The following ARL17A variants were observed in gnomAD, a reference collection of about 807,000 sequenced individuals.
ARL17A encodes ADP-ribosylation factor-like 17-like.
Position 46,532,913 on chromosome 17 carries a change from C to T in ARL17A, c.336-4054G>A, listed in dbSNP as rs1428360132. Reference sequence around the variant, plus strand: ...CCCAGGAGTTCGAGGCCAGCCAGGGCAACATACTGAGAGCTTATCTCTACA... The same window carrying T: ...CCCAGGAGTTCGAGGCCAGCCAGGGTAACATACTGAGAGCTTATCTCTACA... On this transcript the variant is annotated intron_variant, in intron 4 of 4. Coordinates refer to the ARL17A transcript ENST00000329240. 5.5e-5 allele frequency among the ~76,000 whole-genome samples: 8 copies of T among 146,018 alleles called. 1 individual carries two copies. Among genetic ancestry groups the T allele is most frequent in the African/African-American group, 2.1e-4 (8 of 37,548 alleles).
At chr17:46,526,547 C>G (rs2052790264), downstream of ARL17A, among the ~76,000 whole-genome samples, 5 of 103,848 alleles carry the variant, frequency 4.8e-5, no homozygotes, top group Admixed American at 4.5e-4. Flanking sequence ...AGGCTCAGGC[C>G]CCACAAAATC....
chr17:46,500,881 T>C, the ARL17A span, among the ~76,000 whole-genome samples: 1 of 150,988 alleles, frequency 6.6e-6, no homozygotes, highest in Non-Finnish European at 1.5e-5. Context: ...TGGGAATTGT[T>C]AGAAATGCAA....
downstream of ARL17A, among the ~76,000 whole-genome samples, chr17:46,527,850 TATC>T (rs1490698325): frequency 3.6e-5 from 3 of 82,734 alleles, 1 homozygote; most frequent in African/African-American, 1.5e-4. Context: ...CGGTTATTAT[TATC>T]ATTTCTATTT....
intron 3 of ARL17A, among the ~76,000 whole-genome samples, chr17:46,543,605 A>G (rs1302920854): frequency 1.3e-5 from 2 of 150,900 alleles, no homozygotes; most frequent in South Asian, 2.1e-4. Context: ...GAAGTCTTCA[A>G]TGGTGAAGGG....
At chr17:46,548,546 C>CTAGGTTTAATTA (rs1166685177), downstream of ARL17A, 3 of 1,469,380 alleles carry the variant, frequency 2.0e-6, no homozygotes, top group Non-Finnish European at 2.8e-6. Context: ...GATGTGAAAT[C>CTAGGTTTAATTA]ACTGTTACTA....
At chr17:46,545,518 A>G (rs2145712133) in intron 3 of ARL17A, among the ~76,000 whole-genome samples, 1 of 123,564 alleles carries the variant, frequency 8.1e-6, no homozygotes, top group Middle Eastern at 3.7e-3. Flanking sequence ...AGTTCAGTGA[A>G]GATCCTGTTC....
chr17:46,553,382 C>A lies in ARL17A; in HGVS notation c.*3974G>T, dbSNP rs759157893. On this transcript the variant is annotated 3_prime_UTR_variant, in exon 4 of 4. Transcript: ENST00000336125. ...TTGTTGTCATAGATAATCTTAATTGCGTTTTCTTCTAAAACAGATATGTTG... is the reference window on the plus strand; with the variant it reads ...TTGTTGTCATAGATAATCTTAATTGAGTTTTCTTCTAAAACAGATATGTTG... The A allele has an allele frequency of 6.2e-7, 1 of 1,609,352 alleles. No individual in the cohort carries two copies. The highest frequency in any genetic ancestry group is 2.2e-5 in the East Asian group (1 of 44,752).
chr17:46,549,284 T>C, downstream of ARL17A: 1 of 1,610,716 alleles, frequency 6.2e-7, no homozygotes, highest in Non-Finnish European at 8.5e-7. Flanking sequence ...TCAGAACATT[T>C]TATAGAAAAC....
At chr17:46,568,938 T>C (rs1255668085) in intron 3 of ARL17A, among the ~76,000 whole-genome samples, 2 of 124,106 alleles carry the variant, frequency 1.6e-5, no homozygotes, top group South Asian at 2.7e-4. Flanking sequence ...TACTTTTTTT[T>C]TCTCTTTTTT....
intron 3 of ARL17A, among the ~76,000 whole-genome samples, chr17:46,539,487 C>T (rs2054873635): frequency 1.3e-5 from 2 of 151,238 alleles, no homozygotes; most frequent in Admixed American, 6.6e-5. Flanking sequence ...AAGCAGCCAG[C>T]CGCAGTGGCT....
At chr17:46,511,184 T>G in the ARL17A span, among the ~76,000 whole-genome samples, 1 of 126,602 alleles carries the variant, frequency 7.9e-6, no homozygotes, top group East Asian at 2.4e-4. Flanking sequence ...ATGGAATTTT[T>G]TTTAAAAAAA....
At chr17:46,535,548 ATTTT>A (rs2054567216) in intron 4 of ARL17A, among the ~76,000 whole-genome samples, 1 of 41,234 alleles carries the variant, frequency 2.4e-5, no homozygotes, top group Non-Finnish European at 3.9e-5. Context: ...ACTTTCATTC[ATTTT>A]TATTTCTGTT....
Position 46,558,094 on chromosome 17 carries a change from T to G in ARL17A, c.260-464A>C, listed in dbSNP as rs546806370. ...TTTCTTTTAAGGTGGAGTTTTGCTC[T>G]TGTTGCTCAGTCTGGAATGCAATGG... On this transcript the variant is annotated intron_variant, in intron 3 of 3. Transcript: ENST00000336125. 3.7e-5 allele frequency among the ~76,000 whole-genome samples: 5 copies of G among 134,952 alleles called. No homozygotes were observed. The East Asian group carries it at 1.2e-3, about 32-fold the overall frequency. The allele number at this position is 134,952 out of a possible 152,430, so 88.5% of individuals were successfully genotyped here.
At chr17:46,534,105 C>A (rs1316479835) in intron 4 of ARL17A, among the ~76,000 whole-genome samples, 4 of 143,152 alleles carry the variant, frequency 2.8e-5, no homozygotes, top group African/African-American at 1.1e-4. Flanking sequence ...CCTCCACCTC[C>A]CAGGCTTAAG....
chr17:46,517,214 A>T lies in ARL17A; in HGVS notation c.279T>A (p.Phe93Leu). 6.2e-6 allele frequency: 5 copies of T among 801,270 alleles called. 2 individuals carry two copies. Among genetic ancestry groups the T allele is most frequent in the Non-Finnish European group, 9.2e-6 (5 of 542,594 alleles). The allele number at this position is 801,270 out of a possible 1,614,324, so 49.6% of individuals were successfully genotyped here. ...CGCATAATTTCTTGATGAATTGTGC[A>T]AACTGGGAAGCTGATAGCTCTGGAA... is the stretch of plus-strand genomic sequence containing the variant. The change falls in exon 4 of 5, where the codon TTT becomes TTA. Residue 93 changes from phenylalanine (F) to leucine (L), a missense_variant. Transcript: ENST00000445552.
chr17:46,568,316 AACTTCTGTGTTAGGATAGGAAGAAT>A (rs1402247728), intron 3 of ARL17A, among the ~76,000 whole-genome samples: 8 of 125,474 alleles, frequency 6.4e-5, no homozygotes, highest in Non-Finnish European at 1.3e-4. Context: ...GTGACAACCG[AACTTCTGTGTTAGGATAGGAAGAAT>A]ACTTATGAAG....
Position 46,558,553 on chromosome 17 carries a change from A to AT in ARL17A, c.260-924dup, listed in dbSNP as rs58227880. On this transcript the variant is annotated intron_variant, in intron 3 of 3. Transcript: ENST00000336125. ...AGGCACCCACCACCATGCCCGGCCA[A>AT]TTTTTTTTTTTTTTTTTTTTCTAAA... 6.3e-3 allele frequency among the ~76,000 whole-genome samples: 633 copies of AT among 100,196 alleles called. 7 individuals are homozygous for AT. Among genetic ancestry groups the AT allele is most frequent in the African/African-American group, 0.022 (540 of 24,386 alleles). The allele number at this position is 100,196 out of a possible 152,430, so 65.7% of individuals were successfully genotyped here.
downstream of ARL17A, chr17:46,548,850 C>A (rs1391709192): frequency 6.2e-7 from 1 of 1,612,434 alleles, no homozygotes; most frequent in Admixed American, 1.7e-5. Context: ...AGCCTTCCTT[C>A]ACCCAAGAGC....
intron 3 of ARL17A, among the ~76,000 whole-genome samples, chr17:46,544,650 C>G (rs1390611688): frequency 1.4e-5 from 1 of 71,380 alleles, no homozygotes; most frequent in African/African-American, 8.9e-5. Flanking sequence ...GCTATGGAAT[C>G]TGTATTCTTA....
Sources: allele counts gnomAD v4.1 joint callset (sites outside exome capture counted in the v4.1 genomes callset), GRCh38; gene constraint gnomAD v4.1.1; transcripts MANE v1.5; gene names NCBI Gene and HGNC (gene_info 2026-07-23, HGNC 2026-07-21).